ABHD2: variants seen among roughly 807,000 people sequenced by gnomAD.
ABHD2 encodes monoacylglycerol lipase ABHD2.
A neutral mutation model predicts 48.1 loss-of-function variants in ABHD2; 20 were observed. The observed-to-expected ratio is 0.42, with a 90% CI of 0.29 to 0.60. The LOEUF is 0.60. ABHD2 is among the 20% of genes least tolerant of loss of function. ABHD2 has a pLI of 0.24. For synonymous variants in ABHD2, 209 were observed against 214.2 expected, an observed-to-expected ratio of 0.98 and a Z score of 0.21; for missense variants, 405 against 550.9, an observed-to-expected ratio of 0.74 and a Z score of 2.65.
intron 5 of ABHD2, among the ~76,000 whole-genome samples, chr15:89,172,221 G>T (rs111467825): frequency 9.9e-5 from 15 of 152,120 alleles, no homozygotes; most frequent in Non-Finnish European, 7.4e-5. Context: ...TATATTGATT[G>T]TTTTGCAGCC....
chr15:89,073,147 A>G, the ABHD2 span, among the ~76,000 whole-genome samples: 36 of 152,288 alleles, frequency 2.4e-4, no homozygotes, highest in African/African-American at 8.4e-4. Context: ...CCTGGGACAA[A>G]GAATATACTC....
the ABHD2 span, among the ~76,000 whole-genome samples, chr15:89,072,557 G>C: frequency 2.0e-5 from 3 of 147,268 alleles, no homozygotes; most frequent in African/African-American, 5.1e-5. Context: ...TGAGCAGGAG[G>C]GGGAGAGGAA....
chr15:89,081,870 A>T, the ABHD2 span, among the ~76,000 whole-genome samples: 1 of 152,228 alleles, frequency 6.6e-6, no homozygotes, highest in Non-Finnish European at 1.5e-5. Flanking sequence ...ATAAATAAAA[A>T]TAATAAAATG....
intron 3 of ABHD2, chr15:89,135,796 A>G (rs2050299795): frequency 1.2e-6 from 1 of 817,546 alleles, no homozygotes; most frequent in Non-Finnish European, 2.2e-6. Context: ...GTTTCTTTGC[A>G]ACATCATTAG....
chr15:89,151,795 G>C lies in ABHD2; in HGVS notation c.313G>C (p.Asp105His), dbSNP rs1442155248. The C allele has an allele frequency of 6.2e-7, 1 of 1,614,128 alleles. No individual in the cohort carries two copies. Among genetic ancestry groups the C allele is most frequent in the African/African-American group, 1.3e-5 (1 of 74,948 alleles). Residue 105 changes from aspartate to histidine, a missense_variant, in exon 4 of 11, where the codon GAT becomes CAT. Physicochemically the swap from Asp to His is moderately conservative, Grantham distance 81 (BLOSUM62 -1). Coordinates refer to ENST00000352732, the MANE Select transcript of ABHD2 (RefSeq NM_152924.5). The surrounding 1 kb of genome is among the most constrained non-coding windows in gnomAD (Gnocchi z 4.7). Reference protein sequence around the residue: ...YGHRKFITMSDGATSTFDLFE... With the variant: ...YGHRKFITMSHGATSTFDLFE... Reference sequence around the variant, plus strand: ...GCACCGGAAGTTCATCACTATGTCTGATGGAGCCACTTCTACATTCGACCT... The same window carrying C: ...GCACCGGAAGTTCATCACTATGTCTCATGGAGCCACTTCTACATTCGACCT...
Position 89,151,713 on chromosome 15 carries a change from C to T in ABHD2, c.231C>T (p.His77=), listed in dbSNP as rs763549402. Reference sequence around the variant, plus strand: ...CGTTGATCTGGGGGAAAAGTGGACACATCCAGACAGCCTTGTATGGGAAGA... The same window carrying T: ...CGTTGATCTGGGGGAAAAGTGGACATATCCAGACAGCCTTGTATGGGAAGA... The part of the protein sequence containing the change: ...IPPLIWGKSG[H]IQTALYGKMG... The change falls in exon 4 of 11, where the codon CAC becomes CAT. Residue 77 remains histidine (H), a synonymous_variant. Coordinates refer to ENST00000352732, the MANE Select transcript of ABHD2 (RefSeq NM_152924.5). The surrounding 1 kb of genome is among the most constrained non-coding windows in gnomAD (Gnocchi z 4.7). The T allele has an allele frequency of 9.9e-6, 16 of 1,614,084 alleles. No individual in the cohort carries two copies. The highest frequency in any genetic ancestry group is 8.5e-7 in the Non-Finnish European group (1 of 1,180,028).
chr15:89,113,530 C>T (rs1165586902), intron 1 of ABHD2, among the ~76,000 whole-genome samples, 195 bp from the exon 2 acceptor site: 1 of 152,180 alleles, frequency 6.6e-6, no homozygotes. Context: ...GCCTGTCAGT[C>T]TTGGTGGATT....
Position 89,201,773 on chromosome 15 carries a change from C to A in ABHD2, c.*6350C>A, listed in dbSNP as rs2051467703. 1 of 1,510,048 alleles carries A rather than the reference C, an allele frequency of 6.6e-7. No individual in the cohort carries two copies. Among genetic ancestry groups the A allele is most frequent in the Non-Finnish European group, 9.2e-7 (1 of 1,087,416 alleles). 93.5% of individuals were successfully genotyped at this position (1,510,048 alleles called of 1,614,324 possible). ...GGTCGAGGACCAGGATCTGCTCGTG[C>A]TTCGCCGTGGCCCCGGAGGCAGACG... On this transcript the variant is annotated 3_prime_UTR_variant, in exon 11 of 11. Coordinates refer to ENST00000352732, the MANE Select transcript of ABHD2 (RefSeq NM_152924.5).
chr15:89,067,453 C>A, the ABHD2 span, among the ~76,000 whole-genome samples: 27,013 of 152,010 alleles, frequency 0.18, 2,536 homozygotes, highest in Middle Eastern at 0.22. Flanking sequence ...ATTCCAGAGG[C>A]CACAAGGAGT....
chr15:89,068,039 C>T, the ABHD2 span, among the ~76,000 whole-genome samples: 334 of 152,258 alleles, frequency 2.2e-3, no homozygotes, highest in African/African-American at 7.8e-3. Context: ...TCTCAAAGAC[C>T]AAACCCTAGA....
the ABHD2 span, among the ~76,000 whole-genome samples, chr15:89,053,202 G>A: frequency 2.0e-5 from 3 of 152,044 alleles, no homozygotes; most frequent in South Asian, 6.2e-4. Flanking sequence ...TCCTGACCTT[G>A]TGATCCGCCC....
At position 89,196,746 on chromosome 15, in the gene ABHD2, T is replaced by C. The variant is rs1451045397; in HGVS notation, c.*1323T>C. 3 of 152,522 alleles carry C rather than the reference T, an allele frequency of 2.0e-5. No individual in the cohort carries two copies. Among genetic ancestry groups the C allele is most frequent in the African/African-American group, 7.2e-5 (3 of 41,454 alleles). The allele number at this position is 152,522 out of a possible 1,614,324, so 9.4% of individuals were successfully genotyped here. Reference sequence around the variant, plus strand: ...TATTTCCAACCTAAGTGGGTATTATTTTGAAACCAGATTTTTAATTTAATA... The same window carrying C: ...TATTTCCAACCTAAGTGGGTATTATCTTGAAACCAGATTTTTAATTTAATA... On this transcript the variant is annotated 3_prime_UTR_variant, in exon 11 of 11. Coordinates refer to ENST00000352732, the MANE Select transcript of ABHD2 (RefSeq NM_152924.5).
chr15:89,089,962 CTCAT>C (rs1314194761), intron 1 of ABHD2, among the ~76,000 whole-genome samples: 1 of 152,130 alleles, frequency 6.6e-6, no homozygotes, highest in Non-Finnish European at 1.5e-5. Flanking sequence ...TAGGTGGACT[CTCAT>C]TCAGTCTCCT....
the ABHD2 span, among the ~76,000 whole-genome samples, chr15:89,049,492 C>T: frequency 6.6e-6 from 1 of 152,228 alleles, no homozygotes; most frequent in Non-Finnish European, 1.5e-5. Flanking sequence ...CCCAGCCTCG[C>T]TGCCGCCTTG....
chr15:89,160,711 G>A (rs1013784371), intron 5 of ABHD2, among the ~76,000 whole-genome samples: 4 of 152,284 alleles, frequency 2.6e-5, no homozygotes, highest in East Asian at 1.9e-4. Context: ...CAAGGAACCA[G>A]GCCCATGGAG....
the ABHD2 span, among the ~76,000 whole-genome samples, chr15:89,049,812 C>T: frequency 1.3e-5 from 2 of 152,206 alleles, no homozygotes; most frequent in African/African-American, 2.4e-5. Flanking sequence ...TGAGATGAAC[C>T]CGGTACCTCA....
chr15:89,131,471 G>A (rs982616380), intron 3 of ABHD2, among the ~76,000 whole-genome samples: 1 of 152,172 alleles, frequency 6.6e-6, no homozygotes, highest in East Asian at 1.9e-4. Flanking sequence ...CAGCAGAGAG[G>A]TGAAGGGGCA....
the ABHD2 span, among the ~76,000 whole-genome samples, chr15:89,077,427 G>A: frequency 1.5e-4 from 23 of 152,216 alleles, no homozygotes; most frequent in African/African-American, 1.4e-4. Context: ...AAGCTATTAC[G>A]AATGGTGCTA....
Position 89,185,148 on chromosome 15 carries a change from C to T in ABHD2, c.723-276C>T, listed in dbSNP as rs1334838215. ...CAGTGACTAAGAGAAGGTCCAGGTG[C>T]TAGAAGAGAGTGTCGGGGGTGCCAC... On this transcript the variant is annotated intron_variant, in intron 6 of 10. Transcript: ENST00000352732. This position sits in a 1 kb window ranked among gnomAD's most constrained non-coding sequence, Gnocchi z 5.9. Among the ~76,000 whole-genome samples the T allele has an allele frequency of 6.6e-6, 1 of 152,218 alleles. No homozygotes were observed. The highest frequency in any genetic ancestry group is 1.5e-5 in the Non-Finnish European group (1 of 68,038).
Sources: allele counts gnomAD v4.1 joint callset (sites outside exome capture counted in the v4.1 genomes callset), GRCh38; gene constraint gnomAD v4.1.1; non-coding constraint Gnocchi (gnomAD v3.1); transcripts MANE v1.5; gene names NCBI Gene and HGNC (gene_info 2026-07-23, HGNC 2026-07-21).